The following CA10 variants were observed in gnomAD, a reference collection of about 807,000 sequenced individuals.
CA10 encodes carbonic anhydrase-related protein 10.
In CA10, 14 loss-of-function variants were observed where a neutral mutation model predicts 44.2. That is an observed-to-expected ratio of 0.32 (90% CI 0.21 to 0.50). The LOEUF (loss-of-function observed/expected upper bound fraction) is 0.50, where lower values mean the gene tolerates loss of function less well. Among genes scored for constraint, CA10 ranks in the 20% least tolerant of loss-of-function variants. CA10 has a pLI of 0.99. For missense variants in CA10, 350 were observed against 409.7 expected, an observed-to-expected ratio of 0.85 and a Z score of 1.26; for synonymous variants, 159 against 141.6, an observed-to-expected ratio of 1.12 and a Z score of -0.87.
chr17:51,937,816 G>C (rs988959336), intron 2 of CA10, among the ~76,000 whole-genome samples: 7 of 152,114 alleles, frequency 4.6e-5, no homozygotes, highest in Non-Finnish European at 1.0e-4. Flanking sequence ...AAGCTGACCT[G>C]GCCCTTTTCT....
chr17:52,147,190 G>T (rs781458745), intron 1 of CA10, among the ~76,000 whole-genome samples: 25 of 151,890 alleles, frequency 1.6e-4, no homozygotes, highest in Non-Finnish European at 3.4e-4. Context: ...TGGTCTATGG[G>T]GAATAATTTT....
At chr17:51,801,378 T>C (rs1906922558) in intron 3 of CA10, among the ~76,000 whole-genome samples, 1 of 152,102 alleles carries the variant, frequency 6.6e-6, no homozygotes, top group South Asian at 2.1e-4. Flanking sequence ...CTCTTGCAAT[T>C]TACAAGTATC....
At chr17:52,014,544 T>A (rs941862023) in intron 2 of CA10, among the ~76,000 whole-genome samples, 5 of 152,142 alleles carry the variant, frequency 3.3e-5, no homozygotes, top group Admixed American at 1.3e-4. Flanking sequence ...ATTTTTATAA[T>A]CTTAGCACAG....
intron 2 of CA10, among the ~76,000 whole-genome samples, chr17:52,065,351 G>T (rs1446707512): frequency 6.6e-6 from 1 of 152,172 alleles, no homozygotes; most frequent in Non-Finnish European, 1.5e-5. Flanking sequence ...TCAATTTAAG[G>T]GTTGAGGAAC....
At chr17:52,149,171 A>C (rs774833989) in intron 1 of CA10, among the ~76,000 whole-genome samples, 24 of 152,260 alleles carry the variant, frequency 1.6e-4, no homozygotes, top group Admixed American at 4.6e-4. Context: ...TTGCTGCCAA[A>C]TGTGTTGCAA....
intron 1 of CA10, among the ~76,000 whole-genome samples, chr17:52,114,383 T>A (rs973412053): frequency 2.6e-5 from 4 of 152,180 alleles, no homozygotes; most frequent in African/African-American, 7.2e-5. Flanking sequence ...CCAATCCCAA[T>A]CCCACTGCTG....
chr17:51,678,679 G>T (rs894902150), intron 4 of CA10, among the ~76,000 whole-genome samples: 1 of 152,212 alleles, frequency 6.6e-6, no homozygotes, highest in Non-Finnish European at 1.5e-5. Flanking sequence ...CTAAGACAGG[G>T]CCATAGGAAT....
At chr17:51,890,107 T>C (rs568384977) in intron 3 of CA10, among the ~76,000 whole-genome samples, 1 of 152,318 alleles carries the variant, frequency 6.6e-6, no homozygotes, top group South Asian at 2.1e-4. Flanking sequence ...GACATTCCAT[T>C]AATGTGCCAA....
Position 51,643,425 on chromosome 17 carries a change from C to T in CA10, c.634+5757G>A, listed in dbSNP as rs117932672. The stretch of plus-strand genomic sequence containing the variant: ...ATGTCATGATTTTAGTCTTAACCCC[C>T]AGTCTGTTGAAGGGGAATTTGACTT... On this transcript the variant is annotated intron_variant, in intron 6 of 8. Transcript: ENST00000451037. Among the ~76,000 whole-genome samples the T allele has an allele frequency of 6.3e-3, 961 of 152,290 alleles. 4 individuals carry two copies. Among genetic ancestry groups the T allele is most frequent in the Non-Finnish European group, 9.8e-3 (670 of 68,026 alleles).
At chr17:52,124,320 G>C (rs934040651) in intron 1 of CA10, among the ~76,000 whole-genome samples, 1 of 152,130 alleles carries the variant, frequency 6.6e-6, no homozygotes, top group African/African-American at 2.4e-5. Context: ...CCCATTCTAT[G>C]GATGGAGAAA....
At chr17:51,643,630 A>T (rs1913191987) in intron 6 of CA10, among the ~76,000 whole-genome samples, 1 of 152,204 alleles carries the variant, frequency 6.6e-6, no homozygotes, top group Non-Finnish European at 1.5e-5. Context: ...CATCCACTGC[A>T]TGGATTCAAG....
In CA10 at chr17:51,877,186, T is replaced by C. The variant is rs141355478; in HGVS notation, c.279+53804A>G. Among the ~76,000 whole-genome samples the C allele has an allele frequency of 3.4e-4, 52 of 152,294 alleles. 3 individuals are homozygous for C. The highest frequency in any genetic ancestry group is 1.2e-3 in the African/African-American group (49 of 41,562). ...CTTTAGCAACCACCTACAGTCCAGA[T>C]GGTGGAGATGTCATCAGCCAATGTT... On this transcript the variant is annotated intron_variant, in intron 3 of 8. Coordinates refer to ENST00000451037, the MANE Select transcript of CA10 (RefSeq NM_020178.5).
intron 3 of CA10, among the ~76,000 whole-genome samples, chr17:51,841,396 CAA>C (rs1978318649): frequency 1.3e-5 from 2 of 152,276 alleles, no homozygotes; most frequent in South Asian, 4.1e-4. Context: ...AACCAGTGTG[CAA>C]AAGAGTGCAT....
chr17:51,635,932 AC>A lies in CA10; in HGVS notation c.711del (p.Ser238ArgfsTer2). On this transcript the variant is annotated frameshift_variant, in exon 7 of 9. Coordinates refer to ENST00000451037, the MANE Select transcript of CA10 (RefSeq NM_020178.5). LOFTEE classifies it high-confidence loss of function. ...TCATAGCAGGGTGGGATAGTCATCG[AC>A]CCATCGTAAGTGATGAAACTAGAGG... ...PETSSFITYDGSMTIPPCYET... is the reference protein window; with the variant it reads ...PETSSFITYDXSMTIPPCYET... The A allele has an allele frequency of 6.2e-7, 1 of 1,609,962 alleles. No individual in the cohort carries two copies. The highest frequency in any genetic ancestry group is 1.1e-5 in the South Asian group (1 of 90,562).
intron 1 of CA10, among the ~76,000 whole-genome samples, chr17:52,114,313 G>A (rs901645776): frequency 3.9e-5 from 6 of 152,106 alleles, no homozygotes; most frequent in African/African-American, 1.2e-4. Flanking sequence ...TGATCTGCTT[G>A]TATAAACTCC....
chr17:51,797,343 T>TA (rs1555600414), intron 3 of CA10, among the ~76,000 whole-genome samples: 13 of 152,340 alleles, frequency 8.5e-5, no homozygotes, highest in Admixed American at 6.5e-4. Flanking sequence ...CGCAGGCGCA[T>TA]GCGCGCGCAC....
intron 3 of CA10, among the ~76,000 whole-genome samples, chr17:51,807,317 C>T (rs1717197624): frequency 6.6e-6 from 1 of 152,174 alleles, no homozygotes; most frequent in South Asian, 2.1e-4. Flanking sequence ...AAAGGACTTT[C>T]TTTCAGGTTA....
At chr17:51,759,155 T>C (rs1905151330) in intron 3 of CA10, among the ~76,000 whole-genome samples, 2 of 152,066 alleles carry the variant, frequency 1.3e-5, no homozygotes. Context: ...CTGGATCAAT[T>C]TTTTTTTCTT....
intron 6 of CA10, among the ~76,000 whole-genome samples, chr17:51,643,319 C>T (rs531545048): frequency 2.6e-4 from 40 of 152,212 alleles, no homozygotes; most frequent in African/African-American, 8.2e-4. Flanking sequence ...TATTCCAATA[C>T]ACTACGTTAA....
Sources: allele counts gnomAD v4.1 joint callset (sites outside exome capture counted in the v4.1 genomes callset), GRCh38; gene constraint gnomAD v4.1.1; transcripts MANE v1.5; gene names NCBI Gene and HGNC (gene_info 2026-07-23, HGNC 2026-07-21).